The following CNTNAP4 variants were observed in gnomAD, a reference collection of about 807,000 sequenced individuals.
CNTNAP4 encodes the protein contactin-associated protein-like 4.
In CNTNAP4, 98 loss-of-function variants were observed where a neutral mutation model predicts 148.4. The observed-to-expected ratio is 0.66, with a 90% confidence interval of 0.56 to 0.78. The LOEUF (loss-of-function observed/expected upper bound fraction) is 0.78. Ranked by LOEUF, CNTNAP4 falls within the 30% of genes least tolerant of loss-of-function variation. The probability of loss-of-function intolerance (pLI) is 0.00; values close to 1 mark genes in which losing one functional copy is unlikely to be tolerated. For synonymous variants in CNTNAP4, 730 were observed against 565.1 expected (o/e 1.29, Z -4.14); for missense variants, 1,935 against 1,565.6 (o/e 1.24, Z -3.98).
intron 21 of CNTNAP4, among the ~76,000 whole-genome samples, chr16:76,549,703 A>C (rs1337526562): frequency 2.0e-5 from 3 of 152,186 alleles, no homozygotes; most frequent in Non-Finnish European, 4.4e-5. Context: ...AACAGGAAAG[A>C]ATGATCTTTT....
intron 2 of CNTNAP4, among the ~76,000 whole-genome samples, chr16:76,339,031 T>C (rs1254906392): frequency 1.3e-5 from 2 of 152,174 alleles, no homozygotes; most frequent in Admixed American, 6.5e-5. Context: ...TAGTAGTGAT[T>C]AGAATGATAT....
chr16:76,286,174 AGTGTGTGTGTGTGTGTGTGT>A (rs57003243), intron 1 of CNTNAP4, among the ~76,000 whole-genome samples: 2 of 134,912 alleles, frequency 1.5e-5, no homozygotes, highest in African/African-American at 2.8e-5. Flanking sequence ...TAGAATTATC[AGTGTGTGTGTGTGTGTGTGT>A]GTGTGTGTGT....
At chr16:76,443,287 TTTGTTAAC>T (rs2080113942) in intron 4 of CNTNAP4, among the ~76,000 whole-genome samples, 1 of 152,158 alleles carries the variant, frequency 6.6e-6, no homozygotes, top group South Asian at 2.1e-4. Flanking sequence ...TGTTACAAAT[TTTGTTAAC>T]TTCAGATTTC....
chr16:76,386,437 A>G lies in CNTNAP4; in HGVS notation c.390+30926A>G, dbSNP rs190573122. On this transcript the variant is annotated intron_variant, in intron 3 of 23. Transcript: ENST00000611870. ...TTTGGGGTTAATAAGACCAAAATTT[A>G]AAATGCAAGCTTCCAAAGATAAGAA... 3.9e-4 allele frequency among the ~76,000 whole-genome samples: 59 copies of G among 152,320 alleles called. 1 individual carries two copies. The highest frequency in any genetic ancestry group is 4.7e-4 in the Non-Finnish European group (32 of 68,018).
At chr16:76,513,346 C>T (rs2083103385) in intron 15 of CNTNAP4, among the ~76,000 whole-genome samples, 1 of 152,022 alleles carries the variant, frequency 6.6e-6, no homozygotes, top group African/African-American at 2.4e-5. Flanking sequence ...CCTCTAAGAG[C>T]ATGGGACAGT....
At chr16:76,296,895 A>G (rs1959364308) in intron 1 of CNTNAP4, among the ~76,000 whole-genome samples, 1 of 152,134 alleles carries the variant, frequency 6.6e-6, no homozygotes, top group African/African-American at 2.4e-5. Flanking sequence ...AAATCTTATG[A>G]GATTTAAAAA....
At chr16:76,344,418 T>C (rs1597261859) in intron 2 of CNTNAP4, among the ~76,000 whole-genome samples, 1 of 152,186 alleles carries the variant, frequency 6.6e-6, no homozygotes, top group African/African-American at 2.4e-5. Context: ...ACATACCGTT[T>C]TATAAAGTCA....
intron 15 of CNTNAP4, among the ~76,000 whole-genome samples, chr16:76,511,838 G>GGAGAGAGAGA (rs61708542): frequency 0.034 from 4,968 of 148,192 alleles, 103 homozygotes; most frequent in African/African-American, 0.053. Context: ...ATATTTTCTT[G>GGAGAGAGAGA]GAGAGAGAGA....
chr16:76,361,025 A>G (rs2144546326), intron 3 of CNTNAP4, among the ~76,000 whole-genome samples: 1 of 151,102 alleles, frequency 6.6e-6, no homozygotes, highest in East Asian at 1.9e-4. Context: ...GGGTTTCACC[A>G]CGTTAGCCAG....
rs774584091 is a variant in CNTNAP4 at position 76,553,422 on chromosome 16, A to C, written c.3582A>C (p.Thr1194=). Residue 1194 remains threonine, a synonymous_variant, in exon 22 of 24, where the codon ACA becomes ACC. Coordinates refer to ENST00000611870, the MANE Select transcript of CNTNAP4 (RefSeq NM_033401.5). The part of the protein sequence containing the change: ...HPSHPDPVTV[T]GHVTESSCMA... ...GCCACCCAGACCCTGTCACTGTTAC[A>C]GGACACGTGACTGAGTCCAGCTGTA... The C allele has an allele frequency of 6.2e-7, 1 of 1,612,472 alleles. No homozygotes were observed. The highest frequency in any genetic ancestry group is 1.1e-5 in the South Asian group (1 of 90,662).
chr16:76,288,792 C>G (rs1958992135), intron 1 of CNTNAP4, among the ~76,000 whole-genome samples: 1 of 151,998 alleles, frequency 6.6e-6, no homozygotes, highest in Non-Finnish European at 1.5e-5. Context: ...TATTTTTTTT[C>G]AGTTGAAACA....
chr16:76,320,696 T>G (rs1042587244), intron 2 of CNTNAP4, among the ~76,000 whole-genome samples: 1 of 152,192 alleles, frequency 6.6e-6, no homozygotes, highest in Non-Finnish European at 1.5e-5. Flanking sequence ...CAGGTTCTAG[T>G]GTCCCATTTG....
chr16:76,279,615 T>A (rs748589272), intron 1 of CNTNAP4, among the ~76,000 whole-genome samples: 3 of 152,180 alleles, frequency 2.0e-5, no homozygotes, highest in Non-Finnish European at 4.4e-5. Flanking sequence ...AAACATCTGA[T>A]GAACTTGCAA....
chr16:76,433,796 T>A (rs2079704202), intron 4 of CNTNAP4, among the ~76,000 whole-genome samples: 1 of 152,112 alleles, frequency 6.6e-6, no homozygotes, highest in South Asian at 2.1e-4. Context: ...TGCTAAAAGC[T>A]GGAGTAAGGT....
intron 3 of CNTNAP4, 54 bp from the exon 4 acceptor site, chr16:76,427,398 C>G: frequency 6.6e-7 from 1 of 1,504,320 alleles, no homozygotes. Context: ...AGGTGACAAG[C>G]TGAAATGGAT....
chr16:76,281,308 A>G (rs1417008265), intron 1 of CNTNAP4, among the ~76,000 whole-genome samples: 1 of 152,124 alleles, frequency 6.6e-6, no homozygotes, highest in East Asian at 1.9e-4. Context: ...TAATTCTATG[A>G]GGCAATGCAT....
At chr16:76,291,932 A>G (rs1343656631) in intron 1 of CNTNAP4, among the ~76,000 whole-genome samples, 1 of 152,114 alleles carries the variant, frequency 6.6e-6, no homozygotes, top group African/African-American at 2.4e-5. Flanking sequence ...TTTCCAGTGC[A>G]TTTCTCTTGT....
At chr16:76,342,768 A>T (rs917989167) in intron 2 of CNTNAP4, among the ~76,000 whole-genome samples, 1 of 152,198 alleles carries the variant, frequency 6.6e-6, no homozygotes, top group African/African-American at 2.4e-5. Flanking sequence ...AACTCTGAAC[A>T]TATATTTCAA....
intron 12 of CNTNAP4, among the ~76,000 whole-genome samples, chr16:76,488,158 C>T (rs1048522624): frequency 6.6e-6 from 1 of 152,120 alleles, no homozygotes; most frequent in Non-Finnish European, 1.5e-5. Flanking sequence ...GAATTTCAGA[C>T]CTCGTTCTGC....
Sources: allele counts gnomAD v4.1 joint callset (sites outside exome capture counted in the v4.1 genomes callset), GRCh38; gene constraint gnomAD v4.1.1; transcripts MANE v1.5; gene names NCBI Gene and HGNC (gene_info 2026-07-23, HGNC 2026-07-21).